The following MEIS1 variants were observed in gnomAD, a reference collection of about 807,000 sequenced individuals.
MEIS1 encodes Meis homeobox 1, also known as homeobox protein Meis1.
In MEIS1, 5 loss-of-function variants were observed where a neutral mutation model predicts 50.8. That is an observed-to-expected ratio of 0.10 (90% CI 0.05 to 0.21). The LOEUF is 0.21. Ranked by LOEUF, MEIS1 falls within the 10% of genes least tolerant of loss-of-function variation. MEIS1 has a pLI of 1.00. For synonymous variants in MEIS1, 176 were observed against 179.3 expected, an observed-to-expected ratio of 0.98 and a Z score of 0.15; for missense variants, 318 against 517.3, an observed-to-expected ratio of 0.61 and a Z score of 3.74.
Position 66,437,915 on chromosome 2 carries a change from G to T in MEIS1, c.191G>T (p.Gly64Val). Residue 64 changes from glycine to valine, a missense_variant, in exon 2 of 13, where the codon GGC becomes GTC. Around this residue, in one of 6 missense-constraint regions of MEIS1, gnomAD observed 100 missense variants for 107.1 expected, o/e 0.93. Transcript: ENST00000272369. Reference protein sequence around the residue: ...AHTNAMAPSMGSSVNDALKRD... With the variant: ...AHTNAMAPSMVSSVNDALKRD... ...ACCAACGCCATGGCCCCCAGCATGG[G>T]CTCCTCTGTCAATGACGCTTTAAAG... The T allele has an allele frequency of 1.2e-6, 2 of 1,603,814 alleles. No homozygotes were observed. The highest frequency in any genetic ancestry group is 1.7e-6 in the Non-Finnish European group (2 of 1,175,066).
chr2:66,534,170 T>TAC (rs1174460309), intron 8 of MEIS1, among the ~76,000 whole-genome samples: 1 of 152,102 alleles, frequency 6.6e-6, no homozygotes, highest in Non-Finnish European at 1.5e-5. Context: ...ATCAAAGTCA[T>TAC]AGTTACTGTG....
chr2:66,525,445 A>G (rs1674226856), intron 8 of MEIS1, among the ~76,000 whole-genome samples: 1 of 152,172 alleles, frequency 6.6e-6, no homozygotes, highest in Non-Finnish European at 1.5e-5. Flanking sequence ...ACAGATTTTA[A>G]ATGGAAAGAT....
At position 66,571,368 on chromosome 2, in the gene MEIS1, C is replaced by A. The variant is rs1383635627; in HGVS notation, c.*160C>A. On this transcript the variant is annotated 3_prime_UTR_variant, in exon 13 of 13. Coordinates refer to ENST00000272369, the MANE Select transcript of MEIS1 (RefSeq NM_002398.3). The stretch of plus-strand genomic sequence containing the variant: ...TCCTGCTCAGCTGCGTCATGGGCCC[C>A]CCATGCATACGTACATTCCTGGACA... 6.2e-7 allele frequency: 1 copy of A among 1,602,084 alleles called. No individual in the cohort carries two copies. The highest frequency in any genetic ancestry group is 8.5e-7 in the Non-Finnish European group (1 of 1,174,556).
At chr2:66,499,328 T>C (rs893889032) in intron 7 of MEIS1, among the ~76,000 whole-genome samples, 1 of 152,154 alleles carries the variant, frequency 6.6e-6, no homozygotes, top group Non-Finnish European at 1.5e-5. Flanking sequence ...CCACTTCACT[T>C]TGTCTGCAAA....
chr2:66,550,450 A>G (rs953334528), intron 9 of MEIS1, among the ~76,000 whole-genome samples: 1 of 150,988 alleles, frequency 6.6e-6, no homozygotes, highest in Non-Finnish European at 1.5e-5. Flanking sequence ...ATTAATTTTT[A>G]TAGAAACCTC....
At chr2:66,469,273 T>G (rs1456094928) in intron 7 of MEIS1, among the ~76,000 whole-genome samples, 5 of 151,810 alleles carry the variant, frequency 3.3e-5, no homozygotes, top group African/African-American at 9.7e-5. Context: ...TCTATCATAA[T>G]GTATCAATAG....
chr2:66,436,783 G>C, intron 1 of MEIS1: 1 of 729,600 alleles, frequency 1.4e-6, no homozygotes, highest in Non-Finnish European at 1.7e-6. Flanking sequence ...CCAAATCTTG[G>C]GAAAATAACT....
chr2:66,448,099 G>A (rs1454014013), intron 6 of MEIS1, among the ~76,000 whole-genome samples: 1 of 152,080 alleles, frequency 6.6e-6, no homozygotes, highest in Non-Finnish European at 1.5e-5. Context: ...ACTTGTATTA[G>A]AAAACATGGA....
intron 8 of MEIS1, among the ~76,000 whole-genome samples, chr2:66,528,252 C>G (rs1413891349): frequency 2.0e-5 from 3 of 152,122 alleles, no homozygotes; most frequent in African/African-American, 7.2e-5. Context: ...TTTCTGAAGG[C>G]TGTCTGGAGG....
intron 8 of MEIS1, among the ~76,000 whole-genome samples, chr2:66,530,343 CAT>C (rs1674359684): frequency 6.6e-6 from 1 of 152,196 alleles, no homozygotes; most frequent in African/African-American, 2.4e-5. Context: ...CTGTTTTTCA[CAT>C]GTTAAAATGA....
At chr2:66,500,163 TAGAAAG>T (rs1184511390) in intron 7 of MEIS1, among the ~76,000 whole-genome samples, 1 of 152,198 alleles carries the variant, frequency 6.6e-6, no homozygotes, top group African/African-American at 2.4e-5. Flanking sequence ...CATTTCTCTG[TAGAAAG>T]TATACGAGCT....
intron 7 of MEIS1, among the ~76,000 whole-genome samples, chr2:66,482,013 C>T (rs919098300): frequency 9.1e-6 from 1 of 109,644 alleles, no homozygotes. Flanking sequence ...CACCACCACA[C>T]ACCACACCCA....
chr2:66,536,890 C>G (rs907905019), intron 8 of MEIS1, among the ~76,000 whole-genome samples: 7 of 152,208 alleles, frequency 4.6e-5, no homozygotes, highest in African/African-American at 1.7e-4. Context: ...CTCTCTCTCT[C>G]TCTCTGGCAT....
intron 6 of MEIS1, among the ~76,000 whole-genome samples, chr2:66,449,064 A>C (rs1202920808): frequency 6.6e-6 from 1 of 152,168 alleles, no homozygotes; most frequent in African/African-American, 2.4e-5. Flanking sequence ...AAAATTTAAG[A>C]ATTAAATAAA....
intron 3 of MEIS1, 190 bp downstream of exon 3, chr2:66,440,174 G>C: frequency 1.6e-6 from 1 of 642,622 alleles, no homozygotes; most frequent in Non-Finnish European, 2.6e-6. Context: ...CTCTCTGTCT[G>C]AGTGTCTGTT....
intron 2 of MEIS1, 27 bp from the exon 3 acceptor site, chr2:66,439,816 G>T (rs369849007): frequency 6.2e-7 from 1 of 1,610,320 alleles, no homozygotes; most frequent in African/African-American, 1.3e-5. Flanking sequence ...CCATTATGTT[G>T]TTTGTGACTG....
chr2:66,523,901 CGTT>C lies in MEIS1; in HGVS notation c.888+11611_888+11613del, dbSNP rs142405132. Among the ~76,000 whole-genome samples the C allele has an allele frequency of 8.6e-3, 1,315 of 152,198 alleles. 25 individuals carry two copies. Among genetic ancestry groups the C allele is most frequent in the African/African-American group, 0.03 (1,255 of 41,520 alleles). On this transcript the variant is annotated intron_variant, in intron 8 of 12. Transcript: ENST00000272369. ...CCCTCAGAATGTTAAGTTTTCCACT[CGTT>C]GTTCCTATTTCTAAAAATTCATTAC...
At chr2:66,447,456 A>G (rs1040739309) in intron 6 of MEIS1, among the ~76,000 whole-genome samples, 15 of 152,308 alleles carry the variant, frequency 9.8e-5, no homozygotes. Flanking sequence ...TATATGTCAA[A>G]TGGAAATTAT....
At chr2:66,478,528 A>G (rs1290922346) in intron 7 of MEIS1, among the ~76,000 whole-genome samples, 1 of 152,244 alleles carries the variant, frequency 6.6e-6, no homozygotes, top group African/African-American at 2.4e-5. Context: ...ATCCAAATGC[A>G]TAACTCCTGT....
Sources: gnomAD v4.1 joint callset for allele counts (sites outside exome capture counted in the v4.1 genomes callset) on GRCh38, gnomAD v4.1.1 for gene constraint, gnomAD v4.1.1 regional missense constraint, MANE v1.5 for transcripts, NCBI Gene and HGNC (gene_info 2026-07-23, HGNC 2026-07-21) for gene names.